KPNA2: variants seen among roughly 807,000 people sequenced by gnomAD.
KPNA2 encodes karyopherin subunit alpha 2, also known as importin subunit alpha-1.
KPNA2 carries 20 observed loss-of-function variants against 53.7 expected under a neutral mutation model. That is an observed-to-expected ratio of 0.37 (90% confidence interval 0.26 to 0.54). KPNA2 has a LOEUF of 0.54. Ranked by LOEUF, KPNA2 falls within the 20% of genes least tolerant of loss-of-function variation. KPNA2 has a pLI of 0.83. For missense variants in KPNA2, 515 were observed against 640.3 expected (o/e 0.80, Z 2.11); for synonymous variants, 238 against 227.5 (o/e 1.05, Z -0.42).
intron 3 of KPNA2, among the ~76,000 whole-genome samples, chr17:68,040,260 ATT>A (rs782418464): frequency 3.2e-4 from 38 of 117,958 alleles, no homozygotes; most frequent in Admixed American, 3.6e-4. Flanking sequence ...ATGCCTGGAT[ATT>A]TTTTTTTTTT....
intron 3 of KPNA2, 61 bp downstream of exon 3, chr17:68,037,556 C>G: frequency 6.7e-7 from 1 of 1,494,858 alleles, no homozygotes; most frequent in Non-Finnish European, 9.2e-7. Flanking sequence ...AGGGACTTTT[C>G]TTAGAAATTC....
intron 10 of KPNA2, among the ~76,000 whole-genome samples, 197 bp downstream of exon 10, chr17:68,046,118 A>G (rs1555705390): frequency 6.6e-6 from 1 of 152,212 alleles, no homozygotes; most frequent in Non-Finnish European, 1.5e-5. Flanking sequence ...TGAGATTTTA[A>G]AAGCCACCAG....
Position 68,036,948 on chromosome 17 carries a change from C to A in KPNA2, c.-23-162C>A. 4 of 572,536 alleles carry A rather than the reference C, an allele frequency of 7.0e-6. No homozygotes were observed. In the South Asian group the frequency reaches 8.8e-5, roughly 13 times the overall value. 35.5% of individuals were successfully genotyped at this position (572,536 alleles called of 1,614,324 possible). A position where few individuals can be genotyped will look rare whatever the true frequency, so the allele number is the denominator to read the frequency against. ...CTTTAGAGGGAAGGGGGACACTTCC[C>A]CTTTGGGTAAAGCTATTTCATAGTG... On this transcript the variant is annotated intron_variant, in intron 1 of 10. Coordinates refer to ENST00000330459, the MANE Select transcript of KPNA2 (RefSeq NM_002266.4).
In KPNA2 at chr17:68,042,957, A is replaced by C; in HGVS notation, c.624A>C (p.Pro208=). Residue 208 remains proline (P), a synonymous_variant, in exon 6 of 11, where the codon CCA becomes CCC. Transcript: ENST00000330459. Reference sequence around the variant, plus strand: ...TTATTAAGTACGGTGCAGTTGACCCACTGTTGGCTCTCCTTGCAGTTCCTG... The same window carrying C: ...TTATTAAGTACGGTGCAGTTGACCCCCTGTTGGCTCTCCTTGCAGTTCCTG... ...DLVIKYGAVD[P]LLALLAVPDM... is the part of the protein sequence containing the mutation. 6.2e-7 allele frequency: 1 copy of C among 1,613,412 alleles called. No individual in the cohort carries two copies. Among genetic ancestry groups the C allele is most frequent in the Non-Finnish European group, 8.5e-7 (1 of 1,179,884 alleles).
chr17:68,046,375 CTATAA>C (rs1188858184), intron 10 of KPNA2, 124 bp from the exon 11 acceptor site: 5 of 599,722 alleles, frequency 8.3e-6, no homozygotes, highest in Middle Eastern at 4.5e-4. Flanking sequence ...ATGTCAAATA[CTATAA>C]TATCATACAG....
chr17:68,040,084 A>G (rs1555704328), intron 3 of KPNA2, among the ~76,000 whole-genome samples: 1 of 151,992 alleles, frequency 6.6e-6, no homozygotes, highest in Admixed American at 6.6e-5. Context: ...GTCTCAAAAA[A>G]AAAAAGAAAA....
intron 3 of KPNA2, among the ~76,000 whole-genome samples, chr17:68,039,013 T>C (rs570168953): frequency 1.1e-4 from 11 of 98,312 alleles, no homozygotes; most frequent in Non-Finnish European, 1.7e-4. Context: ...ACCCTGTCTC[T>C]AAGAAATCCC....
rs782671508 is a variant in KPNA2 at position 68,043,957 on chromosome 17, C to G, written c.1050C>G (p.Asn350Lys). The G allele has an allele frequency of 6.2e-7, 1 of 1,613,874 alleles. No individual in the cohort carries two copies. Among genetic ancestry groups the G allele is most frequent in the South Asian group, 1.1e-5 (1 of 91,070 alleles). The change falls in exon 8 of 11, where the codon AAC becomes AAG. Residue 350 changes from asparagine (N) to lysine (K), a missense_variant. Coordinates refer to ENST00000330459, the MANE Select transcript of KPNA2 (RefSeq NM_002266.4). ...GCCTGCTCACCAACCCCAAAACTAA[C>G]ATTCAGAAGGAAGCTACGTGGACAA... ...FPSLLTNPKTNIQKEATWTMS... is the reference protein window; with the variant it reads ...FPSLLTNPKTKIQKEATWTMS...
At chr17:68,038,847 G>A (rs1213462525) in intron 3 of KPNA2, among the ~76,000 whole-genome samples, 1 of 152,104 alleles carries the variant, frequency 6.6e-6, no homozygotes. Flanking sequence ...GGAAGACCTC[G>A]TCTCTATAAA....
At chr17:68,045,630 C>G in intron 9 of KPNA2, 142 bp from the exon 10 acceptor site, 4 of 616,942 alleles carry the variant, frequency 6.5e-6, no homozygotes, top group Non-Finnish European at 1.1e-5. Context: ...ATAAAATGGA[C>G]ATAAAACTAT....
At chr17:68,042,640 T>A (rs2071273842) in intron 5 of KPNA2, among the ~76,000 whole-genome samples, 1 of 152,020 alleles carries the variant, frequency 6.6e-6, no homozygotes, top group Admixed American at 6.6e-5. Flanking sequence ...CCCAGCACTT[T>A]GGGAGGCAGA....
At chr17:68,044,158 G>C in intron 8 of KPNA2, 87 bp downstream of exon 8, 1 of 1,334,786 alleles carries the variant, frequency 7.5e-7, no homozygotes, top group Non-Finnish European at 1.1e-6. Flanking sequence ...CAAGAATCTT[G>C]GGTTCTACTA....
rs374767668 is a variant in KPNA2, at chr17:68,043,918, C to T, written c.1011C>T (p.Leu337=). Residue 337 remains leucine, a synonymous_variant, in exon 8 of 11, where the codon CTC becomes CTT. Transcript: ENST00000330459. ...QTQVVIDAGA[L]AVFPSLLTNP... ...AGGTTGTGATTGATGCAGGAGCACT[C>T]GCCGTCTTTCCCAGCCTGCTCACCA... The T allele has an allele frequency of 7.4e-5, 119 of 1,613,276 alleles. No individual in the cohort carries two copies. Among genetic ancestry groups the T allele is most frequent in the Non-Finnish European group, 9.3e-5 (110 of 1,179,618 alleles).
intron 1 of KPNA2, 123 bp from the exon 2 acceptor site, chr17:68,036,987 G>T: frequency 1.4e-6 from 1 of 711,110 alleles, no homozygotes; most frequent in Non-Finnish European, 2.5e-6. Flanking sequence ...AAAACATGAT[G>T]ATCCCCCCTC....
Position 68,046,633 on chromosome 17 carries a change from G to A in KPNA2, c.*37G>A, listed in dbSNP as rs374156722. 12 of 1,299,198 alleles carry A rather than the reference G, an allele frequency of 9.2e-6. No homozygotes were observed. The highest frequency in any genetic ancestry group is 8.9e-5 in the African/African-American group (6 of 67,766). The allele number at this position is 1,299,198 out of a possible 1,614,324, so 80.5% of individuals were successfully genotyped here. A position where few individuals can be genotyped will look rare whatever the true frequency, so the allele number is the denominator to read the frequency against. ...GAGACATAAATTTGTTGTGTACTAC[G>A]TTTGGTATTTTGTCTTATTGTTTCT... On this transcript the variant is annotated 3_prime_UTR_variant, in exon 11 of 11. Transcript: ENST00000330459.
chr17:68,041,980 T>G, intron 4 of KPNA2, 105 bp from the exon 5 acceptor site: 1 of 921,302 alleles, frequency 1.1e-6, no homozygotes, highest in Non-Finnish European at 1.6e-6. Flanking sequence ...ACTTAAAAGG[T>G]TGTCTGAAGT....
At chr17:68,039,876 C>G (rs1166520983) in intron 3 of KPNA2, among the ~76,000 whole-genome samples, 1 of 150,880 alleles carries the variant, frequency 6.6e-6, no homozygotes, top group Non-Finnish European at 1.5e-5. Context: ...AGTTCGAGAC[C>G]AGCCTGACCA....
Position 68,037,498 on chromosome 17 carries a change from A to G in KPNA2, c.213+3A>G, listed in dbSNP as rs1413721699. ...TGCAGGAAAACCGCAACAACCAGGT[A>G]AAAAATGTATTTTAGTTTATGAGTT... On this transcript the variant is annotated splice_donor_region_variant and intron_variant, in intron 3 of 10. Transcript: ENST00000330459. 1 of 1,610,262 alleles carries G rather than the reference A, an allele frequency of 6.2e-7. No homozygotes were observed. The highest frequency in any genetic ancestry group is 1.3e-5 in the African/African-American group (1 of 74,778).
At chr17:68,044,561 A>G (rs2071306445) in intron 9 of KPNA2, 58 bp downstream of exon 9, 8 of 1,440,864 alleles carry the variant, frequency 5.6e-6, no homozygotes, top group African/African-American at 1.4e-5. Flanking sequence ...TCAGTTTACT[A>G]TTTAGACTTG....
Sources: gnomAD v4.1 joint callset for allele counts (sites outside exome capture counted in the v4.1 genomes callset) on GRCh38, gnomAD v4.1.1 for gene constraint, MANE v1.5 for transcripts, NCBI Gene and HGNC (gene_info 2026-07-23, HGNC 2026-07-21) for gene names.